PDE3A: variants seen among roughly 807,000 people sequenced by gnomAD.
PDE3A encodes phosphodiesterase 3A, also known as cGMP-inhibited 3',5'-cyclic phosphodiesterase 3A.
In PDE3A, 43 loss-of-function variants were observed where a neutral mutation model predicts 98.3. The ratio of observed to expected loss-of-function variants is 0.44; its 90% CI spans 0.34 to 0.56. PDE3A has a LOEUF of 0.56. Among genes scored for constraint, PDE3A ranks in the 20% least tolerant of loss-of-function variants. The pLI, the probability that PDE3A is intolerant of heterozygous loss-of-function variation, is 0.01. For missense variants in PDE3A, 1,427 were observed against 1,440.7 expected (o/e 0.99, Z 0.15); for synonymous variants, 663 against 567.9 (o/e 1.17, Z -2.38).
At chr12:20,457,510 T>C (rs757016947) in intron 1 of PDE3A, among the ~76,000 whole-genome samples, 2 of 151,874 alleles carry the variant, frequency 1.3e-5, no homozygotes, top group Non-Finnish European at 2.9e-5. Context: ...TTATTTTTCG[T>C]TGTACAAAAT....
intron 1 of PDE3A, among the ~76,000 whole-genome samples, chr12:20,519,101 T>C (rs1946376291): frequency 6.6e-6 from 1 of 152,224 alleles, no homozygotes; most frequent in Non-Finnish European, 1.5e-5. Flanking sequence ...TGTAGTGTTG[T>C]AGTTTATGTG....
chr12:20,446,957 A>T (rs1213714122), intron 1 of PDE3A, among the ~76,000 whole-genome samples: 1 of 152,144 alleles, frequency 6.6e-6, no homozygotes, highest in African/African-American at 2.4e-5. Context: ...GCATCAGTGG[A>T]GCAAGGGCAA....
In PDE3A at chr12:20,386,182, T is replaced by TAAATATATAA. The variant is rs1565532711; in HGVS notation, c.960+15947_960+15948insAAAATATATA. On this transcript the variant is annotated intron_variant, in intron 1 of 15. Coordinates refer to ENST00000359062, the MANE Select transcript of PDE3A (RefSeq NM_000921.5). Reference sequence around the variant, plus strand: ...ATATATAAATATATAAAAATATATATAAATATATATAAATATATAAAAATA... The same window carrying TAAATATATAA: ...ATATATAAATATATAAAAATATATATAAATATATAAAAATATATATAAATATATAAAAATA... Among the ~76,000 whole-genome samples, 37 of 72,402 alleles carry TAAATATATAA rather than the reference T, an allele frequency of 5.1e-4. 1 individual carries two copies. The highest frequency in any genetic ancestry group is 8.7e-4 in the South Asian group (2 of 2,312). The allele number at this position is 72,402 out of a possible 152,430, so 47.5% of individuals were successfully genotyped here.
chr12:20,479,304 C>T (rs1945582558), intron 1 of PDE3A, among the ~76,000 whole-genome samples: 1 of 152,178 alleles, frequency 6.6e-6, no homozygotes, highest in Admixed American at 6.5e-5. Flanking sequence ...GCTAAAGTTT[C>T]ATTCCAGTGG....
intron 15 of PDE3A, among the ~76,000 whole-genome samples, chr12:20,658,324 T>G (rs1309697875): frequency 6.6e-6 from 1 of 152,156 alleles, no homozygotes; most frequent in Non-Finnish European, 1.5e-5. Context: ...TGCTAGCTCC[T>G]TTTCACCCAG....
At chr12:20,670,447 A>G (rs1200972028) in intron 15 of PDE3A, among the ~76,000 whole-genome samples, 1 of 152,146 alleles carries the variant, frequency 6.6e-6, no homozygotes, top group African/African-American at 2.4e-5. Flanking sequence ...CATAATTGGA[A>G]GTAAAGCTCT....
chr12:20,575,968 T>C (rs1942921793), intron 2 of PDE3A, among the ~76,000 whole-genome samples: 1 of 151,920 alleles, frequency 6.6e-6, no homozygotes, highest in Admixed American at 6.6e-5. Context: ...CTAAAACCTA[T>C]TGCTATATCT....
intron 1 of PDE3A, among the ~76,000 whole-genome samples, chr12:20,426,984 A>G (rs752864530): frequency 5.9e-5 from 9 of 152,214 alleles, no homozygotes; most frequent in Non-Finnish European, 2.9e-5. Flanking sequence ...TATTCTAAGA[A>G]AGGAGCTAAA....
chr12:20,579,687 T>C (rs1032906300), intron 2 of PDE3A, among the ~76,000 whole-genome samples: 1 of 152,178 alleles, frequency 6.6e-6, no homozygotes, highest in South Asian at 2.1e-4. Context: ...CCTCATGTAG[T>C]TGGGATACTT....
intron 1 of PDE3A, among the ~76,000 whole-genome samples, chr12:20,537,492 C>A (rs535833482): frequency 1.6e-4 from 24 of 152,022 alleles, no homozygotes; most frequent in African/African-American, 5.8e-4. Context: ...TATTTATTTT[C>A]GTATTTTCTG....
At chr12:20,534,825 T>G (rs1255537729) in intron 1 of PDE3A, among the ~76,000 whole-genome samples, 3 of 152,216 alleles carry the variant, frequency 2.0e-5, no homozygotes. Flanking sequence ...TGCATCCTCA[T>G]GCAAAAACAA....
intron 2 of PDE3A, among the ~76,000 whole-genome samples, chr12:20,604,088 G>C (rs1456966483): frequency 6.6e-6 from 1 of 152,046 alleles, no homozygotes; most frequent in Non-Finnish European, 1.5e-5. Flanking sequence ...AGAATTGCTT[G>C]AAACCAGGAG....
At chr12:20,589,868 TAAAAAAAAAAA>T (rs11362815) in intron 2 of PDE3A, among the ~76,000 whole-genome samples, 3 of 112,398 alleles carry the variant, frequency 2.7e-5, no homozygotes, top group African/African-American at 1.0e-4. Flanking sequence ...GACTGCATCT[TAAAAAAAAAAA>T]AAAAAAAAAA....
At position 20,628,987 on chromosome 12, in the gene PDE3A, GACA is replaced by G. The variant is rs1354998983; in HGVS notation, c.1541-918_1541-916del. On this transcript the variant is annotated intron_variant, in intron 5 of 15. Transcript: ENST00000359062. ...AAATGTTCCTAAGTGGTGAGAAATAGACAACGACTTTTAATAATTTCATTTCAT... is the reference window on the plus strand; with the variant it reads ...AAATGTTCCTAAGTGGTGAGAAATAGACGACTTTTAATAATTTCATTTCAT... Among the ~76,000 whole-genome samples the G allele has an allele frequency of 3.9e-5, 6 of 152,298 alleles. No homozygotes were observed. In the East Asian group the frequency reaches 1.2e-3, roughly 29 times the overall value.
Position 20,400,379 on chromosome 12 carries a change from GTTTTTTTTTTTTTT to G in PDE3A, c.960+30167_960+30180del, listed in dbSNP as rs75851941. Among the ~76,000 whole-genome samples, 222 of 110,232 alleles carry G rather than the reference GTTTTTTTTTTTTTT, an allele frequency of 2.0e-3. 7 individuals are homozygous for G. Among genetic ancestry groups the G allele is most frequent in the Middle Eastern group, 5.3e-3 (1 of 188 alleles). The allele number at this position is 110,232 out of a possible 152,430, so 72.3% of individuals were successfully genotyped here. On this transcript the variant is annotated intron_variant, in intron 1 of 15. Coordinates refer to ENST00000359062, the MANE Select transcript of PDE3A (RefSeq NM_000921.5). The stretch of plus-strand genomic sequence containing the variant: ...AGCTCATGTTGACTCGTTAACATTG[GTTTTTTTTTTTTTT>G]TTTTTTTTTTTTTTTTTTTTTTTTT...
chr12:20,450,897 C>T (rs945074535), intron 1 of PDE3A, among the ~76,000 whole-genome samples: 3 of 152,174 alleles, frequency 2.0e-5, no homozygotes, highest in Non-Finnish European at 2.9e-5. Flanking sequence ...CTTGGATACA[C>T]GAGAACTCTG....
intron 5 of PDE3A, among the ~76,000 whole-genome samples, chr12:20,621,666 G>A (rs1944140485): frequency 6.6e-6 from 1 of 151,948 alleles, no homozygotes; most frequent in Non-Finnish European, 1.5e-5. Context: ...TAGATGCATA[G>A]GAAATCACTT....
At chr12:20,679,758 C>T (rs981699997) in intron 15 of PDE3A, among the ~76,000 whole-genome samples, 2 of 151,548 alleles carry the variant, frequency 1.3e-5, no homozygotes, top group African/African-American at 4.8e-5. Flanking sequence ...TGAACATTGC[C>T]AAATATTAAA....
At chr12:20,494,266 A>G (rs976517634) in intron 1 of PDE3A, among the ~76,000 whole-genome samples, 3 of 152,254 alleles carry the variant, frequency 2.0e-5, no homozygotes, top group African/African-American at 7.2e-5. Context: ...AAAAGTTTAT[A>G]GAGTTTTTAC....
Sources: gnomAD v4.1 joint callset for allele counts (sites outside exome capture counted in the v4.1 genomes callset) on GRCh38, gnomAD v4.1.1 for gene constraint, MANE v1.5 for transcripts, NCBI Gene and HGNC (gene_info 2026-07-23, HGNC 2026-07-21) for gene names.